Variants in PRMT9 observed in about 807,000 individuals in gnomAD.
PRMT9 encodes the protein protein arginine N-methyltransferase 9.
PRMT9 carries 59 observed loss-of-function variants against 83.2 expected under a neutral mutation model. The ratio of observed to expected loss-of-function variants is 0.71; its 90% CI spans 0.57 to 0.88. The LOEUF (loss-of-function observed/expected upper bound fraction) is 0.88. Among genes scored for constraint, PRMT9 ranks in the 40% least tolerant of loss-of-function variants. PRMT9 has a pLI of 0.00. For synonymous variants in PRMT9, 333 were observed against 353.2 expected (o/e 0.94, Z 0.64); for missense variants, 947 against 1,021.9 (o/e 0.93, Z 1.00).
rs564118744 is a variant in PRMT9 at position 147,642,465 on chromosome 4, G to A, written c.2199+322C>T. On this transcript the variant is annotated intron_variant, in intron 10 of 11. Coordinates refer to ENST00000322396, the MANE Select transcript of PRMT9 (RefSeq NM_138364.4). ...CATGTTGGCCAGGCTGGTCTTGAACGCCTGACCTCAAGTGATCCACCCGCC... is the reference window on the plus strand; with the variant it reads ...CATGTTGGCCAGGCTGGTCTTGAACACCTGACCTCAAGTGATCCACCCGCC... Among the ~76,000 whole-genome samples, 10 of 151,990 alleles carry A rather than the reference G, an allele frequency of 6.6e-5. No homozygotes were observed. In the South Asian group the frequency reaches 1.5e-3, roughly 22 times the overall value.
Position 147,673,849 on chromosome 4 carries a change from C to T in PRMT9, c.364G>A (p.Gly122Arg). The T allele has an allele frequency of 6.2e-7, 1 of 1,614,006 alleles. No homozygotes were observed. Among genetic ancestry groups the T allele is most frequent in the Non-Finnish European group, 8.5e-7 (1 of 1,179,904 alleles). ...AGCTTCACTGCTTTATGAAAATACC[C>T]AGCTGCTTCATCCCTAAAGCCCATT... The part of the protein sequence containing the change: ...FRMGFRDEAA[G>R]YFHKAVKLNP... Residue 122 changes from glycine (G) to arginine (R), a missense_variant, in exon 3 of 12, where the codon GGG (glycine) becomes AGG (arginine). Coordinates refer to ENST00000322396, the MANE Select transcript of PRMT9 (RefSeq NM_138364.4).
chr4:147,684,080 G>C lies in PRMT9; in HGVS notation c.-93C>G. ...CTACACTTCCAGGGACCAGACAACTGCTCAAAAAACAGCACAGCAAAGTTA... is the reference window on the plus strand; with the variant it reads ...CTACACTTCCAGGGACCAGACAACTCCTCAAAAAACAGCACAGCAAAGTTA... On this transcript the variant is annotated 5_prime_UTR_variant, in exon 1 of 12. Coordinates refer to ENST00000322396, the MANE Select transcript of PRMT9 (RefSeq NM_138364.4). 7.2e-7 allele frequency: 1 copy of C among 1,383,750 alleles called. No individual in the cohort carries two copies. The allele number at this position is 1,383,750 out of a possible 1,614,324, so 85.7% of individuals were successfully genotyped here.
intron 7 of PRMT9, 65 bp downstream of exon 7, chr4:147,660,781 C>A: frequency 9.8e-7 from 1 of 1,021,202 alleles, no homozygotes; most frequent in South Asian, 1.3e-5. Context: ...ACTGTCTGTC[C>A]TATATATTAT....
At chr4:147,651,141 CA>C (rs1734072021) in intron 9 of PRMT9, among the ~76,000 whole-genome samples, 1 of 151,546 alleles carries the variant, frequency 6.6e-6, no homozygotes, top group Non-Finnish European at 1.5e-5. Flanking sequence ...AATAAACCCA[CA>C]AATTATGTTC....
Position 147,654,074 on chromosome 4 carries a change from C to G in PRMT9, c.1823G>C (p.Ser608Thr). The change falls in exon 9 of 12, where the codon AGT (serine) becomes ACT (threonine). Residue 608 changes from serine to threonine, a missense_variant. Physicochemically the swap from Ser to Thr is moderately conservative, Grantham distance 58. Transcript: ENST00000322396. Reference protein sequence around the residue: ...AGTLGQVKPYSSVEKDQHRIA... With the variant: ...AGTLGQVKPYTSVEKDQHRIA... ...ACGATGCTGGTCTTTCTCCACAGAACTGTATGGTTTAACCTGCCCAAGTGT... is the reference window on the plus strand; with the variant it reads ...ACGATGCTGGTCTTTCTCCACAGAAGTGTATGGTTTAACCTGCCCAAGTGT... 6.2e-7 allele frequency: 1 copy of G among 1,614,216 alleles called. No individual in the cohort carries two copies. The highest frequency in any genetic ancestry group is 8.5e-7 in the Non-Finnish European group (1 of 1,180,036).
chr4:147,683,848 T>G lies in PRMT9; in HGVS notation c.140A>C (p.His47Pro), dbSNP rs753069673. 2.5e-6 allele frequency: 4 copies of G among 1,613,078 alleles called. No homozygotes were observed. The highest frequency in any genetic ancestry group is 3.4e-6 in the Non-Finnish European group (4 of 1,179,902). The change falls in exon 1 of 12, where the codon CAC becomes CCC. Residue 47 changes from histidine (H) to proline (P), a missense_variant. Transcript: ENST00000322396. ...GVQDFGTAYA[H>P]YLLVLSLAPE... ...CGCCAGGCTGAGCACGAGGAGGTAG[T>G]GGGCATAGGCAGTGCCGAAGTCCTG...
chr4:147,668,489 A>T, intron 6 of PRMT9, 50 bp downstream of exon 6: 1 of 1,095,396 alleles, frequency 9.1e-7, no homozygotes, highest in Non-Finnish European at 1.4e-6. Context: ...TAAATTACCC[A>T]ATCTTGGGAG....
chr4:147,667,440 C>T (rs1341266964), intron 6 of PRMT9, among the ~76,000 whole-genome samples: 8 of 152,210 alleles, frequency 5.3e-5, no homozygotes, highest in Non-Finnish European at 1.2e-4. Flanking sequence ...AATTTACACA[C>T]ACCTACATTT....
intron 6 of PRMT9, among the ~76,000 whole-genome samples, chr4:147,665,124 CAAAAAAAAA>C (rs370245859): frequency 1.7e-5 from 2 of 116,670 alleles, no homozygotes; most frequent in East Asian, 5.3e-4. Flanking sequence ...TCTGTCTAAA[CAAAAAAAAA>C]AAAAAAAAAA....
intron 8 of PRMT9, among the ~76,000 whole-genome samples, chr4:147,655,856 T>C (rs10029772): frequency 0.059 from 8,963 of 152,242 alleles, 860 homozygotes; most frequent in African/African-American, 0.2. Flanking sequence ...TGCTTAAACA[T>C]GTAAATGTCC....
chr4:147,660,878 C>T lies in PRMT9; in HGVS notation c.1114G>A (p.Glu372Lys). ...GGYLALTECF[E>K]IMTVDFNNLQ... is the part of the protein sequence containing the mutation. ...TTGTTGAAATCTACTGTCATAATTT[C>T]AAAGCACTCTGTCAAAGCCAAATAT... Residue 372 changes from glutamate (E) to lysine (K), a missense_variant, in exon 7 of 12, where the codon GAA becomes AAA. Glu to Lys is a moderately conservative substitution (Grantham distance 56). Transcript: ENST00000322396. 2.5e-6 allele frequency: 4 copies of T among 1,613,760 alleles called. No individual in the cohort carries two copies.
intron 11 of PRMT9, 27 bp from the exon 12 acceptor site, chr4:147,638,774 T>C: frequency 6.5e-7 from 1 of 1,536,744 alleles, no homozygotes; most frequent in South Asian, 1.1e-5. Context: ...ATTAGGAAAA[T>C]ATCAGAGTGC....
chr4:147,652,682 C>T lies in PRMT9; in HGVS notation c.2045+1170G>A, dbSNP rs1243386109. Among the ~76,000 whole-genome samples, 8 of 147,242 alleles carry T rather than the reference C, an allele frequency of 5.4e-5. No homozygotes were observed. In the East Asian group the frequency reaches 1.4e-3, roughly 26 times the overall value. On this transcript the variant is annotated intron_variant, in intron 9 of 11. Transcript: ENST00000322396. ...CCCACCCTATCCCCACCCCATCCCA[C>T]CAGACCCCATTCTACCCTACCCCGT...
At chr4:147,641,359 C>T (rs1733387204) in intron 10 of PRMT9, among the ~76,000 whole-genome samples, 1 of 152,168 alleles carries the variant, frequency 6.6e-6, no homozygotes, top group South Asian at 2.1e-4. Context: ...TTTTGATACT[C>T]CAATCGTGAT....
rs1733146587 is a variant in PRMT9, at chr4:147,638,347, TGCA to T, written c.*182_*184del. The stretch of plus-strand genomic sequence containing the variant: ...TGTATCCTTTTCCAGAAAGCAAATC[TGCA>T]GCAGTATTTCTATAATAATGCTACC... On this transcript the variant is annotated 3_prime_UTR_variant, in exon 12 of 12. Coordinates refer to ENST00000322396, the MANE Select transcript of PRMT9 (RefSeq NM_138364.4). 3.3e-6 allele frequency: 2 copies of T among 600,252 alleles called. No individual in the cohort carries two copies. The highest frequency in any genetic ancestry group is 1.9e-5 in the African/African-American group (1 of 53,926). The allele number at this position is 600,252 out of a possible 1,614,324, so 37.2% of individuals were successfully genotyped here. A position where few individuals can be genotyped will look rare whatever the true frequency, so the allele number is the denominator to read the frequency against.
chr4:147,638,984 C>T lies in PRMT9; in HGVS notation c.2298G>A (p.Leu766=). The change falls in exon 11 of 12, where the codon TTG becomes TTA. Residue 766 remains leucine (L), a synonymous_variant. Transcript: ENST00000322396. ...LLRLDLMTPY[L]NTSNREVKVY... Reference sequence around the variant, plus strand: ...CCTTTACTTCTCTGTTAGAGGTGTTCAAATACGGAGTCATTAAATCTAGTC... The same window carrying T: ...CCTTTACTTCTCTGTTAGAGGTGTTTAAATACGGAGTCATTAAATCTAGTC... The T allele has an allele frequency of 6.2e-7, 1 of 1,612,548 alleles. No homozygotes were observed. The highest frequency in any genetic ancestry group is 1.3e-5 in the African/African-American group (1 of 74,986).
chr4:147,661,451 G>A lies in PRMT9; in HGVS notation c.954-413C>T, dbSNP rs185974128. ...ATATCCAAATGGCCAATAAGCACAT[G>A]AGAAAAGGTGCTCAGCTTCAACAGC... On this transcript the variant is annotated intron_variant, in intron 6 of 11. Transcript: ENST00000322396. 8.0e-5 allele frequency: 13 copies of A among 162,616 alleles called. No individual in the cohort carries two copies. In the Admixed American group the frequency reaches 8.2e-4, roughly 10 times the overall value. 10.1% of individuals were successfully genotyped at this position (162,616 alleles called of 1,614,324 possible).
chr4:147,656,769 C>CGT (rs1734519132), intron 8 of PRMT9, among the ~76,000 whole-genome samples: 1 of 44,110 alleles, frequency 2.3e-5, no homozygotes. Flanking sequence ...GAGACTCTGT[C>CGT]TCAAAAAAAA....
intron 9 of PRMT9, among the ~76,000 whole-genome samples, chr4:147,644,300 A>AT (rs1733590857): frequency 6.6e-6 from 1 of 151,722 alleles, no homozygotes; most frequent in Non-Finnish European, 1.5e-5. Flanking sequence ...AGTTCTTTGT[A>AT]TTATTCTTTA....
Sources: allele counts gnomAD v4.1 joint callset (sites outside exome capture counted in the v4.1 genomes callset), GRCh38; gene constraint gnomAD v4.1.1; transcripts MANE v1.5; gene names NCBI Gene and HGNC (gene_info 2026-07-23, HGNC 2026-07-21).